RBFOX1: variants seen among roughly 807,000 people sequenced by gnomAD.
RBFOX1 encodes RNA binding protein fox-1 homolog 1.
RBFOX1 carries 8 observed loss-of-function variants against 57.7 expected under a neutral mutation model. The ratio of observed to expected loss-of-function variants is 0.14; its 90% CI spans 0.08 to 0.25. The LOEUF (loss-of-function observed/expected upper bound fraction) is 0.25, where lower values mean the gene tolerates loss of function less well. Ranked by LOEUF, RBFOX1 falls within the 10% of genes least tolerant of loss-of-function variation. RBFOX1 has a pLI of 1.00. For synonymous variants in RBFOX1, 326 were observed against 222.4 expected (o/e 1.47, Z -4.15); for missense variants, 611 against 548.5 (o/e 1.11, Z -1.14).
intron 1 of RBFOX1, chr16:6,038,663 T>A (rs1021125573): frequency 2.0e-5 from 3 of 148,662 alleles, no homozygotes; most frequent in Non-Finnish European, 4.5e-5. Flanking sequence ...GTAGGAGCTT[T>A]TGTGACCCAT....
At chr16:6,445,526 A>G (rs2094466276) in intron 2 of RBFOX1, among the ~76,000 whole-genome samples, 1 of 150,494 alleles carries the variant, frequency 6.6e-6, no homozygotes, top group African/African-American at 2.4e-5. Context: ...ATAAAGTGGG[A>G]ACCAGGGAAG....
intron 1 of RBFOX1, among the ~76,000 whole-genome samples, chr16:5,328,272 T>G (rs2151267742): frequency 6.6e-6 from 1 of 152,158 alleles, no homozygotes; most frequent in South Asian, 2.1e-4. Flanking sequence ...CTGATCAGCG[T>G]TTTTATAAGA....
chr16:6,658,534 T>C (rs2098677409), intron 3 of RBFOX1, among the ~76,000 whole-genome samples: 2 of 152,126 alleles, frequency 1.3e-5, no homozygotes, highest in African/African-American at 4.8e-5. Context: ...TGTAGAGCAA[T>C]AAAATCATTC....
chr16:6,657,781 T>G (rs570990762), intron 3 of RBFOX1, among the ~76,000 whole-genome samples: 16 of 152,294 alleles, frequency 1.1e-4, no homozygotes, highest in African/African-American at 3.9e-4. Flanking sequence ...TTACGACTGT[T>G]GAGAGCTCTG....
rs147635121 is a variant in RBFOX1 at position 5,438,974 on chromosome 16, C to T, written c.220-28242C>T. On this transcript the variant is annotated intron_variant, in intron 1 of 2. Transcript: ENST00000585867. ...GGTAAGGAGGTAACAAGTTAGTAAT[C>T]ATGTGACCACTTATACTGCATATTG... Among the ~76,000 whole-genome samples, 295 of 148,358 alleles carry T rather than the reference C, an allele frequency of 2.0e-3. 1 individual carries two copies. The highest frequency in any genetic ancestry group is 3.0e-3 in the Non-Finnish European group (206 of 67,646).
chr16:7,347,242 C>A (rs760532527), intron 4 of RBFOX1, among the ~76,000 whole-genome samples: 9 of 152,164 alleles, frequency 5.9e-5, no homozygotes, highest in Non-Finnish European at 8.8e-5. Flanking sequence ...AAAGACATAC[C>A]GGAGACTGGG....
At chr16:6,271,907 C>T (rs578192279) in intron 1 of RBFOX1, among the ~76,000 whole-genome samples, 4 of 152,042 alleles carry the variant, frequency 2.6e-5, no homozygotes, top group Non-Finnish European at 5.9e-5. Context: ...ATATCCTCTT[C>T]CAGAAAACAG....
chr16:6,060,450 G>C (rs2171228), intron 1 of RBFOX1, among the ~76,000 whole-genome samples: 1 of 152,114 alleles, frequency 6.6e-6, no homozygotes, highest in Non-Finnish European at 1.5e-5. Context: ...ATACTCTTAG[G>C]AGAAGCTTCC....
intron 3 of RBFOX1, among the ~76,000 whole-genome samples, chr16:6,959,563 C>T (rs1036079396): frequency 7.2e-5 from 11 of 152,074 alleles, no homozygotes; most frequent in Non-Finnish European, 4.4e-5. Context: ...GAGTCTGTGG[C>T]AAAGCAGGTC....
intron 3 of RBFOX1, among the ~76,000 whole-genome samples, chr16:6,809,611 C>G (rs967731165): frequency 1.3e-5 from 2 of 152,114 alleles, no homozygotes; most frequent in Non-Finnish European, 2.9e-5. Flanking sequence ...TACAGAATTG[C>G]TACCCCATCC....
At chr16:7,215,004 G>A (rs1261277996) in intron 4 of RBFOX1, among the ~76,000 whole-genome samples, 1 of 152,094 alleles carries the variant, frequency 6.6e-6, no homozygotes, top group Non-Finnish European at 1.5e-5. Context: ...CCATCATCTA[G>A]GTTTTAAGCC....
chr16:7,670,957 C>T (rs187098577), intron 13 of RBFOX1, among the ~76,000 whole-genome samples: 1 of 152,314 alleles, frequency 6.6e-6, no homozygotes, highest in East Asian at 1.9e-4. Context: ...TGTATATTAA[C>T]ACTAGTTTAC....
chr16:6,665,971 A>G (rs889923878), intron 3 of RBFOX1, among the ~76,000 whole-genome samples: 1 of 152,128 alleles, frequency 6.6e-6, no homozygotes, highest in Non-Finnish European at 1.5e-5. Flanking sequence ...TAATTGAATC[A>G]TGGGTATGGT....
intron 1 of RBFOX1, among the ~76,000 whole-genome samples, chr16:6,087,611 G>C (rs73523887): frequency 0.038 from 5,725 of 151,746 alleles, 378 homozygotes; most frequent in African/African-American, 0.13. Context: ...CCATTGTATG[G>C]ATGCAGCATA....
At position 7,568,396 on chromosome 16, in the gene RBFOX1, G is replaced by C. The variant is rs145086800; in HGVS notation, c.271-11381G>C. 3.7e-3 allele frequency among the ~76,000 whole-genome samples: 564 copies of C among 152,228 alleles called. 4 individuals carry two copies. The highest frequency in any genetic ancestry group is 0.013 in the African/African-American group (541 of 41,528). On this transcript the variant is annotated intron_variant, in intron 5 of 15. Coordinates refer to ENST00000550418, the MANE Select transcript of RBFOX1 (RefSeq NM_018723.4). ...ATTGCCATGGCATTTGGAAACTGTT[G>C]TGGTACTGGTGGGAGTGTCTCTTAG...
At chr16:7,135,945 G>T (rs1363971951) in intron 4 of RBFOX1, among the ~76,000 whole-genome samples, 1 of 152,146 alleles carries the variant, frequency 6.6e-6, no homozygotes, top group Admixed American at 6.5e-5. Context: ...CCATTTCATC[G>T]GAAAATAAAG....
At chr16:6,857,048 C>A (rs928116291) in intron 3 of RBFOX1, among the ~76,000 whole-genome samples, 3 of 152,188 alleles carry the variant, frequency 2.0e-5, no homozygotes, top group South Asian at 2.1e-4. Context: ...CGTGTTCAAC[C>A]CCACATCATT....
intron 1 of RBFOX1, among the ~76,000 whole-genome samples, chr16:5,295,878 G>A (rs2063655011): frequency 6.6e-6 from 1 of 152,144 alleles, no homozygotes; most frequent in South Asian, 2.1e-4. Flanking sequence ...CATAGAATGG[G>A]GATAATTATG....
chr16:5,979,852 C>T (rs1170498576), intron 4 of RBFOX1, among the ~76,000 whole-genome samples: 1 of 152,140 alleles, frequency 6.6e-6, no homozygotes, highest in African/African-American at 2.4e-5. Flanking sequence ...CAGAGTGAGA[C>T]TCTGACTCAA....
Sources: gnomAD v4.1 joint callset for allele counts (sites outside exome capture counted in the v4.1 genomes callset) on GRCh38, gnomAD v4.1.1 for gene constraint, MANE v1.5 for transcripts, NCBI Gene and HGNC (gene_info 2026-07-23, HGNC 2026-07-21) for gene names.